Variants in GRIA1 observed in about 807,000 individuals in gnomAD.
The protein encoded by GRIA1 is glutamate receptor 1.
A neutral mutation model predicts 99.2 loss-of-function variants in GRIA1; 31 were observed. The ratio of observed to expected loss-of-function variants is 0.31; its 90% CI spans 0.23 to 0.42. The LOEUF (loss-of-function observed/expected upper bound fraction) is 0.42, where lower values mean the gene tolerates loss of function less well. Ranked by LOEUF, GRIA1 falls within the 10% of genes least tolerant of loss-of-function variation. The pLI is 1.00. For missense variants in GRIA1, 782 were observed against 1,157.5 expected (o/e 0.68, Z 4.71); for synonymous variants, 438 against 432.4 (o/e 1.01, Z -0.16).
chr5:153,713,999 T>C (rs1759497203), intron 11 of GRIA1, among the ~76,000 whole-genome samples: 1 of 152,166 alleles, frequency 6.6e-6, no homozygotes, highest in East Asian at 1.9e-4. Context: ...AAAATAAAAA[T>C]GTGATTAACA....
chr5:153,798,542 T>C (rs1765790406), intron 14 of GRIA1, among the ~76,000 whole-genome samples: 1 of 152,204 alleles, frequency 6.6e-6, no homozygotes, highest in Non-Finnish European at 1.5e-5. Flanking sequence ...TACGAGTTTA[T>C]ACTTTCTCCA....
At chr5:153,531,616 C>T (rs1758103924) in intron 2 of GRIA1, among the ~76,000 whole-genome samples, 1 of 152,124 alleles carries the variant, frequency 6.6e-6, no homozygotes, top group African/African-American at 2.4e-5. Flanking sequence ...TCTGCACTTC[C>T]TCAGTAGGTA....
At chr5:153,646,577 G>T (rs955697993) in intron 2 of GRIA1, among the ~76,000 whole-genome samples, 2 of 152,148 alleles carry the variant, frequency 1.3e-5, no homozygotes, top group African/African-American at 4.8e-5. Flanking sequence ...GACCAAGTAA[G>T]GTAATAGATG....
chr5:153,811,343 A>AAC lies in GRIA1; in HGVS notation c.*118_*119insAC. ...GCAACCACCACCAACCACTGCGACCACAAGAAGGATGATTCAACAGGTTTT... is the reference window on the plus strand; with the variant it reads ...GCAACCACCACCAACCACTGCGACCAACCAAGAAGGATGATTCAACAGGTTTT... On this transcript the variant is annotated 3_prime_UTR_variant, in exon 16 of 16. Coordinates refer to ENST00000285900, the MANE Select transcript of GRIA1 (RefSeq NM_000827.4). The AAC allele has an allele frequency of 1.5e-6, 1 of 682,522 alleles. No homozygotes were observed. Among genetic ancestry groups the AAC allele is most frequent in the Non-Finnish European group, 2.6e-6 (1 of 383,572 alleles). The allele number at this position is 682,522 out of a possible 1,614,324, so 42.3% of individuals were successfully genotyped here. A position where few individuals can be genotyped will look rare whatever the true frequency, so the allele number is the denominator to read the frequency against.
At chr5:153,714,919 C>G (rs1348956598) in intron 11 of GRIA1, among the ~76,000 whole-genome samples, 1 of 152,232 alleles carries the variant, frequency 6.6e-6, no homozygotes, top group Non-Finnish European at 1.5e-5. Flanking sequence ...TAGCTGATGA[C>G]AGTCACTGTT....
At chr5:153,529,216 C>G (rs1757879665) in intron 2 of GRIA1, among the ~76,000 whole-genome samples, 1 of 152,204 alleles carries the variant, frequency 6.6e-6, no homozygotes, top group Non-Finnish European at 1.5e-5. Flanking sequence ...TATTGTCTGA[C>G]AGGGCTGTCC....
chr5:153,797,634 T>G (rs945941386), intron 14 of GRIA1, among the ~76,000 whole-genome samples: 3 of 152,208 alleles, frequency 2.0e-5, no homozygotes, highest in Non-Finnish European at 4.4e-5. Flanking sequence ...GGCCTCAGCC[T>G]TAGCCAGTCC....
chr5:153,716,359 C>G (rs1759667160), intron 11 of GRIA1, among the ~76,000 whole-genome samples: 1 of 152,162 alleles, frequency 6.6e-6, no homozygotes, highest in Non-Finnish European at 1.5e-5. Flanking sequence ...CCAAGACCAA[C>G]AATCTTCTGA....
At chr5:153,517,740 C>T (rs1756762097) in intron 2 of GRIA1, among the ~76,000 whole-genome samples, 1 of 152,188 alleles carries the variant, frequency 6.6e-6, no homozygotes, top group South Asian at 2.1e-4. Flanking sequence ...ACCCCGTATC[C>T]CTCACACTGT....
At chr5:153,572,500 G>T (rs2149364236) in intron 2 of GRIA1, among the ~76,000 whole-genome samples, 1 of 152,276 alleles carries the variant, frequency 6.6e-6, no homozygotes, top group Admixed American at 6.5e-5. Context: ...GACAGATTCT[G>T]AGACATCATC....
chr5:153,568,816 G>A (rs1373220248), intron 2 of GRIA1, among the ~76,000 whole-genome samples: 2 of 152,090 alleles, frequency 1.3e-5, no homozygotes, highest in Admixed American at 6.6e-5. Context: ...TGTCTTCAGA[G>A]TAAAATTCAC....
chr5:153,668,898 C>G (rs1755943885), intron 5 of GRIA1, among the ~76,000 whole-genome samples: 1 of 152,212 alleles, frequency 6.6e-6, no homozygotes, highest in South Asian at 2.1e-4. Context: ...CCCTCTTTGT[C>G]TGGAGCAATC....
rs1754170993 is a variant in GRIA1, at chr5:153,493,936, T to C, written c.91T>C (p.Phe31Leu). The change falls in exon 2 of 16, where the codon TTT (phenylalanine) becomes CTT (leucine). Residue 31 changes from phenylalanine to leucine, a missense_variant. Phe to Leu is a conservative substitution (Grantham distance 22, BLOSUM62 0). This residue lies in a region of GRIA1 where 461 missense variants were observed against 521.7 expected (regional missense o/e 0.88). Transcript: ENST00000285900. Reference protein sequence around the residue: ...FPNNIQIGGLFPNQQSQEHAA... With the variant: ...FPNNIQIGGLLPNQQSQEHAA... ...ATTTTCTTTTCTCATAGGGGGATTA[T>C]TTCCAAACCAGCAGTCACAGGAACA... 1 of 1,613,982 alleles carries C rather than the reference T, an allele frequency of 6.2e-7. No homozygotes were observed. Among genetic ancestry groups the C allele is most frequent in the Non-Finnish European group, 8.5e-7 (1 of 1,179,950 alleles).
At chr5:153,790,344 G>A (rs1375695140) in intron 13 of GRIA1, among the ~76,000 whole-genome samples, 1 of 152,152 alleles carries the variant, frequency 6.6e-6, no homozygotes, top group African/African-American at 2.4e-5. Flanking sequence ...TTCTTAATAA[G>A]TCACTAAAAC....
intron 13 of GRIA1, among the ~76,000 whole-genome samples, chr5:153,792,204 G>A (rs1443773559): frequency 6.6e-6 from 1 of 152,150 alleles, no homozygotes; most frequent in East Asian, 1.9e-4. Flanking sequence ...CTGATTGTGA[G>A]ATCATGAGCC....
At chr5:153,542,983 A>G (rs1232161747) in intron 2 of GRIA1, among the ~76,000 whole-genome samples, 1 of 152,248 alleles carries the variant, frequency 6.6e-6, no homozygotes, top group African/African-American at 2.4e-5. Flanking sequence ...TCTGATAAAA[A>G]TACACTTCTT....
chr5:153,744,588 A>T (rs1762026997), intron 11 of GRIA1, among the ~76,000 whole-genome samples: 1 of 152,258 alleles, frequency 6.6e-6, no homozygotes, highest in Non-Finnish European at 1.5e-5. Flanking sequence ...CATTCACTCA[A>T]CAAATATTGA....
intron 2 of GRIA1, among the ~76,000 whole-genome samples, chr5:153,526,488 C>A (rs1027011972): frequency 1.3e-5 from 2 of 152,132 alleles, no homozygotes; most frequent in African/African-American, 4.8e-5. Flanking sequence ...AAACAACTTA[C>A]ATGAAAATAT....
chr5:153,659,032 T>C (rs1259096883), intron 5 of GRIA1, among the ~76,000 whole-genome samples: 1 of 151,922 alleles, frequency 6.6e-6, no homozygotes, highest in Non-Finnish European at 1.5e-5. Flanking sequence ...CAGATGCCCC[T>C]TTTAGCTGGC....
Sources: allele counts gnomAD v4.1 joint callset (sites outside exome capture counted in the v4.1 genomes callset), GRCh38; gene constraint gnomAD v4.1.1; regional missense constraint gnomAD v4.1.1; transcripts MANE v1.5; gene names NCBI Gene and HGNC (gene_info 2026-07-23, HGNC 2026-07-21).